HUNK: variants seen among roughly 807,000 people sequenced by gnomAD.
HUNK encodes the protein hormonally up-regulated neu tumor-associated kinase.
A neutral mutation model predicts 61.0 loss-of-function variants in HUNK; 21 were observed. That is an observed-to-expected ratio of 0.34 (90% CI 0.24 to 0.50). HUNK has a LOEUF of 0.50. Ranked by LOEUF, HUNK falls within the 20% of genes least tolerant of loss-of-function variation. The pLI is 0.98. For missense variants in HUNK, 772 were observed against 945.7 expected (o/e 0.82, Z 2.41); for synonymous variants, 371 against 386.1 (o/e 0.96, Z 0.46).
At chr21:31,876,247 T>A (rs1376042984) in intron 1 of HUNK, among the ~76,000 whole-genome samples, 1 of 152,070 alleles carries the variant, frequency 6.6e-6, no homozygotes, top group African/African-American at 2.4e-5. Flanking sequence ...AGGGGAGAGA[T>A]GTCTGTGTTG....
intron 1 of HUNK, among the ~76,000 whole-genome samples, chr21:31,887,386 G>T (rs1431487053): frequency 2.6e-5 from 4 of 152,190 alleles, no homozygotes; most frequent in Admixed American, 2.6e-4. Context: ...CTCTTTGACT[G>T]TAATTTTTTT....
chr21:31,972,891 G>T (rs2053021667), intron 6 of HUNK, among the ~76,000 whole-genome samples: 2 of 152,070 alleles, frequency 1.3e-5, no homozygotes, highest in African/African-American at 2.4e-5. Flanking sequence ...GGCAGGCAAT[G>T]GTCAGGAGAC....
chr21:31,930,169 T>C (rs888976034), intron 2 of HUNK, among the ~76,000 whole-genome samples: 2 of 152,234 alleles, frequency 1.3e-5, no homozygotes, highest in Non-Finnish European at 2.9e-5. Flanking sequence ...ATATGCTGGT[T>C]TGACCACTCG....
intron 1 of HUNK, among the ~76,000 whole-genome samples, chr21:31,884,017 G>A (rs889758976): frequency 6.6e-6 from 1 of 152,198 alleles, no homozygotes; most frequent in Non-Finnish European, 1.5e-5. Flanking sequence ...GCATGATACT[G>A]TGTGGGATGG....
At chr21:31,882,634 A>G (rs73191247) in intron 1 of HUNK, among the ~76,000 whole-genome samples, 1,816 of 152,310 alleles carry the variant, frequency 0.012, 8 homozygotes, top group Middle Eastern at 0.02. Context: ...CGGCGTGTCC[A>G]TCACCTAAGT....
chr21:31,913,059 A>ATTCCCTCT (rs1363881808), intron 1 of HUNK, among the ~76,000 whole-genome samples: 1 of 152,080 alleles, frequency 6.6e-6, no homozygotes, highest in East Asian at 1.9e-4. Flanking sequence ...TTATTCATTG[A>ATTCCCTCT]TTCCCTCTTT....
At position 31,873,120 on chromosome 21, in the gene HUNK, TTTC is replaced by T. The variant is rs1245576703; in HGVS notation, c.-550_-548del. ...TCTGCAAATTCAAACTGAATGGGGC[TTTC>T]TTCTGCTGCCTTCCAGAGGGCGCCG... On this transcript the variant is annotated 5_prime_UTR_variant, in exon 1 of 11. Coordinates refer to ENST00000270112, the MANE Select transcript of HUNK (RefSeq NM_014586.2). The surrounding 1 kb of genome is among the most constrained non-coding windows in gnomAD (Gnocchi z 6.1). Among the ~76,000 whole-genome samples, 2 of 152,100 alleles carry T rather than the reference TTTC, an allele frequency of 1.3e-5. No homozygotes were observed. The highest frequency in any genetic ancestry group is 4.8e-5 in the African/African-American group (2 of 41,436).
At chr21:31,985,467 ACT>A (rs1440579160) in intron 8 of HUNK, among the ~76,000 whole-genome samples, 1 of 152,036 alleles carries the variant, frequency 6.6e-6, no homozygotes, top group East Asian at 1.9e-4. Flanking sequence ...CAGCTGCAGG[ACT>A]CTGTGCGAAT....
chr21:31,922,471 C>A (rs1162117585), intron 1 of HUNK, among the ~76,000 whole-genome samples: 1 of 152,054 alleles, frequency 6.6e-6, no homozygotes, highest in Admixed American at 6.6e-5. Flanking sequence ...GGATTCCAGG[C>A]ATCCACCACC....
Position 31,999,417 on chromosome 21 carries a change from C to T in HUNK, c.*233C>T. ...GGCAGCCAATTCCTATCATTCAGATCTTCCTTCCTCCCAAGTACTCACCAA... is the reference window on the plus strand; with the variant it reads ...GGCAGCCAATTCCTATCATTCAGATTTTCCTTCCTCCCAAGTACTCACCAA... On this transcript the variant is annotated 3_prime_UTR_variant, in exon 11 of 11. Coordinates refer to ENST00000270112, the MANE Select transcript of HUNK (RefSeq NM_014586.2). 1 of 505,120 alleles carries T rather than the reference C, an allele frequency of 2.0e-6. No homozygotes were observed. Among genetic ancestry groups the T allele is most frequent in the Non-Finnish European group, 3.5e-6 (1 of 288,116 alleles). 31.3% of individuals were successfully genotyped at this position (505,120 alleles called of 1,614,324 possible).
intron 1 of HUNK, among the ~76,000 whole-genome samples, chr21:31,914,592 A>G (rs2052569440): frequency 6.6e-6 from 1 of 152,078 alleles, no homozygotes; most frequent in African/African-American, 2.4e-5. Flanking sequence ...GTGGCTTAAA[A>G]CAACAGAAAT....
chr21:31,927,367 G>T (rs1047022337), intron 2 of HUNK, among the ~76,000 whole-genome samples: 2 of 86 alleles, frequency 0.023, no homozygotes, highest in African/African-American at 0.045. Flanking sequence ...TTTTCAGGCC[G>T]GGCGCAGTGC....
At chr21:31,945,126 G>C (rs940501561) in intron 3 of HUNK, among the ~76,000 whole-genome samples, 2 of 152,128 alleles carry the variant, frequency 1.3e-5, no homozygotes, top group African/African-American at 4.8e-5. Flanking sequence ...GTGGGGGATG[G>C]ACCATAATAT....
At chr21:31,910,509 G>A (rs1453939365) in intron 1 of HUNK, among the ~76,000 whole-genome samples, 2 of 139,754 alleles carry the variant, frequency 1.4e-5, no homozygotes, top group Admixed American at 7.3e-5. Flanking sequence ...TTTTTTTTGA[G>A]ACTGAGTCTC....
intron 2 of HUNK, among the ~76,000 whole-genome samples, chr21:31,934,715 T>A (rs758154552): frequency 9.8e-4 from 150 of 152,302 alleles, no homozygotes; most frequent in Non-Finnish European, 1.7e-3. Flanking sequence ...TGTGTCCATA[T>A]GTACCCAATG....
At chr21:31,985,620 C>T (rs912596121) in intron 8 of HUNK, among the ~76,000 whole-genome samples, 1 of 152,154 alleles carries the variant, frequency 6.6e-6, no homozygotes, top group Non-Finnish European at 1.5e-5. Context: ...AGTGGGCAGC[C>T]GGCAGGGGGC....
At chr21:31,929,140 TA>T (rs2052680414) in intron 2 of HUNK, among the ~76,000 whole-genome samples, 1 of 152,192 alleles carries the variant, frequency 6.6e-6, no homozygotes. Context: ...AACTTAATGC[TA>T]GCAGAGCCCT....
At chr21:31,981,809 A>T (rs907603162) in intron 7 of HUNK, among the ~76,000 whole-genome samples, 1 of 152,098 alleles carries the variant, frequency 6.6e-6, no homozygotes, top group South Asian at 2.1e-4. Context: ...AACAGGGACA[A>T]TTGAACTTCC....
chr21:31,934,115 G>A (rs760096776), intron 2 of HUNK, among the ~76,000 whole-genome samples: 11 of 152,050 alleles, frequency 7.2e-5, no homozygotes, highest in Non-Finnish European at 1.0e-4. Flanking sequence ...CCAGTATTCT[G>A]GATAATATAG....
Sources: allele counts gnomAD v4.1 joint callset (sites outside exome capture counted in the v4.1 genomes callset), GRCh38; gene constraint gnomAD v4.1.1; non-coding constraint Gnocchi (gnomAD v3.1); transcripts MANE v1.5; gene names NCBI Gene and HGNC (gene_info 2026-07-23, HGNC 2026-07-21).